Variants in SLC24A2 observed in about 807,000 individuals in gnomAD.
The protein encoded by SLC24A2 is solute carrier family 24 member 2.
A neutral mutation model predicts 62.0 loss-of-function variants in SLC24A2; 36 were observed. The ratio of observed to expected loss-of-function variants is 0.58; its 90% CI spans 0.44 to 0.77. The LOEUF (loss-of-function observed/expected upper bound fraction) is 0.77. Among genes scored for constraint, SLC24A2 ranks in the 30% least tolerant of loss-of-function variants. The pLI is 0.00. For missense variants in SLC24A2, 846 were observed against 817.9 expected (o/e 1.03, Z -0.42); for synonymous variants, 358 against 294.0 (o/e 1.22, Z -2.23).
chr9:19,733,545 A>G (rs1821403235), intron 2 of SLC24A2, among the ~76,000 whole-genome samples: 1 of 152,224 alleles, frequency 6.6e-6, no homozygotes, highest in Non-Finnish European at 1.5e-5. Context: ...CACCTCGCTC[A>G]GCACCCAGGA....
the SLC24A2 span, among the ~76,000 whole-genome samples, chr9:19,978,911 G>A: frequency 2.0e-5 from 3 of 152,154 alleles, no homozygotes; most frequent in East Asian, 1.9e-4. Context: ...TAGGAAAAAT[G>A]CCTATATCCT....
chr9:19,998,579 G>C, the SLC24A2 span, among the ~76,000 whole-genome samples: 1 of 152,214 alleles, frequency 6.6e-6, no homozygotes, highest in Non-Finnish European at 1.5e-5. Context: ...ATGAGGATTA[G>C]AATTTTTAAG....
chr9:20,001,570 A>C, the SLC24A2 span, among the ~76,000 whole-genome samples: 6 of 152,142 alleles, frequency 3.9e-5, no homozygotes, highest in African/African-American at 1.4e-4. Flanking sequence ...CTGTGAAAAA[A>C]GGCGTCTCAG....
chr9:19,694,000 T>A (rs1044093296), intron 2 of SLC24A2, among the ~76,000 whole-genome samples: 5 of 152,010 alleles, frequency 3.3e-5, no homozygotes, highest in African/African-American at 1.2e-4. Flanking sequence ...TAAATCCTCT[T>A]CAAATTATAA....
chr9:19,671,461 C>A (rs768493035), intron 2 of SLC24A2, among the ~76,000 whole-genome samples: 1 of 152,040 alleles, frequency 6.6e-6, no homozygotes, highest in African/African-American at 2.4e-5. Context: ...TTGGAGGAGT[C>A]TTGAGGGTTC....
At chr9:20,264,110 G>T in the SLC24A2 span, among the ~76,000 whole-genome samples, 1 of 152,088 alleles carries the variant, frequency 6.6e-6, no homozygotes, top group Non-Finnish European at 1.5e-5. Context: ...GCAACACAAA[G>T]CATTGCATGA....
chr9:19,701,194 G>A (rs1006038038), intron 2 of SLC24A2, among the ~76,000 whole-genome samples: 6 of 152,190 alleles, frequency 3.9e-5, no homozygotes, highest in Non-Finnish European at 5.9e-5. Context: ...TAGATTGATC[G>A]AAGGGGATGA....
intron 4 of SLC24A2, among the ~76,000 whole-genome samples, chr9:19,603,727 C>A (rs1429479470): frequency 6.6e-6 from 1 of 152,198 alleles, no homozygotes; most frequent in African/African-American, 2.4e-5. Flanking sequence ...CAGCACCTTT[C>A]ACCTATCTTT....
chr9:20,125,469 C>G, the SLC24A2 span, among the ~76,000 whole-genome samples: 1 of 152,144 alleles, frequency 6.6e-6, no homozygotes, highest in Non-Finnish European at 1.5e-5. Flanking sequence ...ACACTCAACA[C>G]AGGTACAGAT....
intron 2 of SLC24A2, among the ~76,000 whole-genome samples, chr9:19,634,139 T>C (rs1008894148): frequency 1.3e-5 from 2 of 152,122 alleles, no homozygotes; most frequent in Non-Finnish European, 2.9e-5. Context: ...TATTTATCTG[T>C]ACCTCAATGG....
the SLC24A2 span, among the ~76,000 whole-genome samples, chr9:19,977,777 A>G: frequency 6.6e-6 from 1 of 152,164 alleles, no homozygotes; most frequent in Non-Finnish European, 1.5e-5. Flanking sequence ...ATTTAGAAAG[A>G]AGAGGGAGAG....
chr9:19,986,147 A>G, the SLC24A2 span, among the ~76,000 whole-genome samples: 5 of 152,174 alleles, frequency 3.3e-5, no homozygotes, highest in Non-Finnish European at 5.9e-5. Flanking sequence ...TCTTCCCAAA[A>G]GATATACAAA....
intron 2 of SLC24A2, among the ~76,000 whole-genome samples, chr9:19,724,287 C>T (rs1396924699): frequency 6.6e-6 from 1 of 152,146 alleles, no homozygotes; most frequent in East Asian, 1.9e-4. Flanking sequence ...CTCAATCAGA[C>T]TTAATAAGGA....
the SLC24A2 span, among the ~76,000 whole-genome samples, chr9:20,135,904 T>A: frequency 1.3e-5 from 2 of 152,070 alleles, no homozygotes; most frequent in East Asian, 3.9e-4. Context: ...TGATTTCCAC[T>A]CAAAATTGGT....
chr9:19,990,616 C>CA, the SLC24A2 span, among the ~76,000 whole-genome samples: 968 of 45,068 alleles, frequency 0.021, 10 homozygotes, highest in African/African-American at 0.068. Flanking sequence ...CCTAAAAAAA[C>CA]AAAAAAAAAA....
chr9:19,826,298 G>C, the SLC24A2 span, among the ~76,000 whole-genome samples: 1 of 151,934 alleles, frequency 6.6e-6, no homozygotes, highest in Non-Finnish European at 1.5e-5. Flanking sequence ...TATGGTATTA[G>C]CATAGGTTAA....
At chr9:19,848,265 C>T in the SLC24A2 span, among the ~76,000 whole-genome samples, 1 of 152,108 alleles carries the variant, frequency 6.6e-6, no homozygotes, top group Non-Finnish European at 1.5e-5. Flanking sequence ...AGAGGAAGCA[C>T]TGATAGAGGA....
the SLC24A2 span, among the ~76,000 whole-genome samples, chr9:20,079,048 T>A: frequency 1.3e-5 from 2 of 152,120 alleles, no homozygotes; most frequent in Admixed American, 1.3e-4. Context: ...CAGATATAAT[T>A]AAGAACCTTG....
chr9:19,769,743 C>T (rs909149565), intron 2 of SLC24A2, among the ~76,000 whole-genome samples: 1 of 152,100 alleles, frequency 6.6e-6, no homozygotes, highest in African/African-American at 2.4e-5. Flanking sequence ...TTCCACACTC[C>T]AAGCCATGAG....
Sources: allele counts gnomAD v4.1 joint callset (sites outside exome capture counted in the v4.1 genomes callset), GRCh38; gene constraint gnomAD v4.1.1; transcripts MANE v1.5; gene names NCBI Gene and HGNC (gene_info 2026-07-23, HGNC 2026-07-21).